The following METAP1 variants were observed in gnomAD, a reference collection of about 807,000 sequenced individuals.
METAP1 encodes methionine aminopeptidase 1.
A neutral mutation model predicts 53.8 loss-of-function variants in METAP1; 28 were observed. The ratio of observed to expected loss-of-function variants is 0.52; its 90% CI spans 0.39 to 0.71. METAP1 has a LOEUF of 0.71. METAP1 is among the 30% of genes least tolerant of loss of function. The pLI is 0.00. For synonymous variants in METAP1, 181 were observed against 165.7 expected (o/e 1.09, Z -0.71); for missense variants, 389 against 479.8 (o/e 0.81, Z 1.77).
In METAP1 at chr4:99,007,473, T is replaced by C. The variant is rs114026470; in HGVS notation, c.114+11606T>C. On this transcript the variant is annotated intron_variant, in intron 1 of 10. Coordinates refer to ENST00000296411, the MANE Select transcript of METAP1 (RefSeq NM_015143.3). ...TCAACAATCTTTCTCTGAGTGGTTTTAGCATTGCGATGATCCTTACCTGAT... is the reference window on the plus strand; with the variant it reads ...TCAACAATCTTTCTCTGAGTGGTTTCAGCATTGCGATGATCCTTACCTGAT... Among the ~76,000 whole-genome samples, 541 of 152,316 alleles carry C rather than the reference T, an allele frequency of 3.6e-3. 2 individuals carry two copies. The highest frequency in any genetic ancestry group is 0.012 in the African/African-American group (518 of 41,572).
intron 6 of METAP1, among the ~76,000 whole-genome samples, chr4:99,042,037 C>T (rs148818051): frequency 1.1e-3 from 172 of 151,866 alleles, no homozygotes; most frequent in African/African-American, 3.8e-3. Flanking sequence ...CCAACAACCT[C>T]TTGAGGGTAG....
At chr4:99,031,388 G>A (rs1459143533) in intron 2 of METAP1, 1 of 1,184,076 alleles carries the variant, frequency 8.4e-7, no homozygotes, top group Non-Finnish European at 1.1e-6. Flanking sequence ...AATTTGACAA[G>A]TATCTTGAAT....
At chr4:99,051,693 A>G (rs1206717761) in intron 9 of METAP1, among the ~76,000 whole-genome samples, 1 of 152,140 alleles carries the variant, frequency 6.6e-6, no homozygotes, top group Non-Finnish European at 1.5e-5. Flanking sequence ...ACCCAGCCTT[A>G]TATATTATGT....
At chr4:99,022,535 C>A in intron 1 of METAP1, 4 of 636,282 alleles carry the variant, frequency 6.3e-6, no homozygotes, top group South Asian at 6.3e-5. Context: ...AGATCCCCAT[C>A]AACAGCAAGA....
At position 98,996,721 on chromosome 4, in the gene METAP1, T is replaced by A. The variant is rs186564796; in HGVS notation, c.114+854T>A. Among the ~76,000 whole-genome samples, 146 of 152,320 alleles carry A rather than the reference T, an allele frequency of 9.6e-4. 1 individual carries two copies. Among genetic ancestry groups the A allele is most frequent in the Non-Finnish European group, 4.7e-4 (32 of 68,030 alleles). On this transcript the variant is annotated intron_variant, in intron 1 of 10. Coordinates refer to ENST00000296411, the MANE Select transcript of METAP1 (RefSeq NM_015143.3). ...TGAAGCGTGTGCTCGTGTTTCTGTT[T>A]ACTGAAGAGTACTAGTGTTGCTGCT... is the stretch of plus-strand genomic sequence containing the variant.
intron 1 of METAP1, among the ~76,000 whole-genome samples, chr4:99,014,024 G>T (rs575412235): frequency 3.9e-5 from 6 of 152,198 alleles, no homozygotes; most frequent in Admixed American, 6.5e-5. Flanking sequence ...CGAATAGGGT[G>T]GGGGAGAGGC....
chr4:99,037,512 AT>A (rs949841507), intron 4 of METAP1, among the ~76,000 whole-genome samples: 1 of 151,854 alleles, frequency 6.6e-6, no homozygotes, highest in Non-Finnish European at 1.5e-5. Context: ...ATGCAACTTA[AT>A]TTTTTTTCTC....
chr4:99,022,746 T>TA, intron 1 of METAP1: 1 of 1,591,908 alleles, frequency 6.3e-7, no homozygotes, highest in Non-Finnish European at 8.6e-7. Flanking sequence ...TGGGTACCCA[T>TA]AGGCGTGTTG....
At chr4:99,042,146 T>C (rs1282205732) in intron 6 of METAP1, among the ~76,000 whole-genome samples, 1 of 152,026 alleles carries the variant, frequency 6.6e-6, no homozygotes, top group Non-Finnish European at 1.5e-5. Context: ...AGTGATGGAA[T>C]TGGCATTTTC....
intron 9 of METAP1, among the ~76,000 whole-genome samples, chr4:99,050,879 C>G (rs1726644422): frequency 6.6e-6 from 1 of 152,114 alleles, no homozygotes; most frequent in Non-Finnish European, 1.5e-5. Flanking sequence ...GTCCCTAGTG[C>G]AAAATAGGTT....
chr4:99,024,794 T>C (rs1299167076), intron 1 of METAP1, among the ~76,000 whole-genome samples: 1 of 152,188 alleles, frequency 6.6e-6, no homozygotes, highest in Non-Finnish European at 1.5e-5. Context: ...AAGGGTTTGG[T>C]TTGTGAAAGA....
At chr4:99,021,096 C>T (rs1214276889) in intron 1 of METAP1, among the ~76,000 whole-genome samples, 3 of 152,172 alleles carry the variant, frequency 2.0e-5, no homozygotes, top group South Asian at 4.1e-4. Flanking sequence ...GATTAGCCTT[C>T]CCCTTTTTAG....
At chr4:99,018,949 A>G (rs1425046444) in intron 1 of METAP1, among the ~76,000 whole-genome samples, 2 of 152,098 alleles carry the variant, frequency 1.3e-5, no homozygotes, top group Non-Finnish European at 2.9e-5. Context: ...ATAAATCCGG[A>G]TGAATTTTCC....
At chr4:99,006,616 C>T (rs1579240607) in intron 1 of METAP1, among the ~76,000 whole-genome samples, 1 of 152,252 alleles carries the variant, frequency 6.6e-6, no homozygotes, top group East Asian at 1.9e-4. Context: ...AGAAGATTAA[C>T]AAGAATTCTC....
chr4:99,045,292 A>T lies in METAP1; in HGVS notation c.769A>T (p.Met257Leu), dbSNP rs1395469201. ...KLVQTTYECL[M>L]QAIDAVKPGV... Reference sequence around the variant, plus strand: ...TGTTCAGACCACATATGAGTGCCTGATGCAAGCCATTGATGCAGGTCAGCC... The same window carrying T: ...TGTTCAGACCACATATGAGTGCCTGTTGCAAGCCATTGATGCAGGTCAGCC... The change falls in exon 8 of 11, where the codon ATG becomes TTG. Residue 257 changes from methionine (M) to leucine (L), a missense_variant. Met to Leu is a conservative substitution (Grantham distance 15, BLOSUM62 2). Transcript: ENST00000296411. 2 of 1,613,674 alleles carry T rather than the reference A, an allele frequency of 1.2e-6. No individual in the cohort carries two copies. The highest frequency in any genetic ancestry group is 2.7e-5 in the African/African-American group (2 of 74,926).
intron 5 of METAP1, 47 bp downstream of exon 5, chr4:99,039,512 C>A: frequency 8.8e-7 from 1 of 1,138,124 alleles, no homozygotes; most frequent in Non-Finnish European, 1.3e-6. Context: ...TTAAGCAGTA[C>A]TTAGACATGA....
chr4:99,023,054 C>G, intron 1 of METAP1: 1 of 1,373,590 alleles, frequency 7.3e-7, no homozygotes, highest in Non-Finnish European at 9.9e-7. Context: ...TCCTGCTCCT[C>G]CTCCACATCT....
intron 10 of METAP1, among the ~76,000 whole-genome samples, chr4:99,059,241 G>T (rs1230201): frequency 0.072 from 11,029 of 152,232 alleles, 570 homozygotes; most frequent in East Asian, 0.23. Context: ...ATCTGCAGGA[G>T]AATTTCCTCA....
At chr4:99,021,194 C>T (rs1418265601) in intron 1 of METAP1, among the ~76,000 whole-genome samples, 15 of 152,198 alleles carry the variant, frequency 9.9e-5, no homozygotes, top group Non-Finnish European at 1.5e-5. Context: ...CCACATTCCT[C>T]TTACAGTCAC....
Sources: allele counts gnomAD v4.1 joint callset (sites outside exome capture counted in the v4.1 genomes callset), GRCh38; gene constraint gnomAD v4.1.1; transcripts MANE v1.5; gene names NCBI Gene and HGNC (gene_info 2026-07-23, HGNC 2026-07-21).